FAM219A: variants seen among roughly 807,000 people sequenced by gnomAD.
FAM219A encodes the protein family with sequence similarity 219 member A, also known as protein FAM219A.
FAM219A carries 7 observed loss-of-function variants against 23.4 expected under a neutral mutation model. That is an observed-to-expected ratio of 0.30 (90% CI 0.17 to 0.56). The LOEUF (loss-of-function observed/expected upper bound fraction) is 0.56, where lower values mean the gene tolerates loss of function less well. Ranked by LOEUF, FAM219A falls within the 20% of genes least tolerant of loss-of-function variation. The pLI is 0.92. For synonymous variants in FAM219A, 93 were observed against 99.0 expected (o/e 0.94, Z 0.36); for missense variants, 166 against 246.9 (o/e 0.67, Z 2.20).
In FAM219A at chr9:34,457,478, G is replaced by A. The variant is rs2132030524; in HGVS notation, c.60+726C>T. 1 of 152,684 alleles carries A rather than the reference G, an allele frequency of 6.5e-6. No homozygotes were observed. Among genetic ancestry groups the A allele is most frequent in the East Asian group, 1.9e-4 (1 of 5,188 alleles). 9.5% of individuals were successfully genotyped at this position (152,684 alleles called of 1,614,324 possible). On this transcript the variant is annotated intron_variant, in intron 1 of 5. Transcript: ENST00000651358. This position sits in a 1 kb window ranked among gnomAD's most constrained non-coding sequence, Gnocchi z 5.1. The stretch of plus-strand genomic sequence containing the variant: ...GACTTCAGGCACGTAGGCCTAAGAT[G>A]ATGGGGGCTCTTCCCAACCAGTGCG...
At chr9:34,406,663 C>T (rs1489755724) in intron 1 of FAM219A, among the ~76,000 whole-genome samples, 1 of 152,186 alleles carries the variant, frequency 6.6e-6, no homozygotes, top group Non-Finnish European at 1.5e-5. Flanking sequence ...GTGCAAAATA[C>T]TTGATTCTAC....
rs1282428238 is a variant in FAM219A at position 34,398,869 on chromosome 9, A to C, written c.*2095T>G. ...CCAGTATGGGCCTTGTGGGTCCTGC[A>C]GGTACCTTCTCTGTCCTTGCCTCCC... On this transcript the variant is annotated 3_prime_UTR_variant, in exon 6 of 6. Coordinates refer to ENST00000651358, the MANE Select transcript of FAM219A (RefSeq NM_001184940.2). 6.1e-6 allele frequency: 1 copy of C among 163,470 alleles called. No homozygotes were observed. The highest frequency in any genetic ancestry group is 2.4e-5 in the African/African-American group (1 of 41,734). 10.1% of individuals were successfully genotyped at this position (163,470 alleles called of 1,614,324 possible).
chr9:34,436,112 C>T (rs1822905717), intron 1 of FAM219A, among the ~76,000 whole-genome samples: 1 of 151,852 alleles, frequency 6.6e-6, no homozygotes, highest in Non-Finnish European at 1.5e-5. Context: ...GCCTAGATTG[C>T]TCTTTTCTCA....
chr9:34,448,994 G>GA (rs55976326), intron 1 of FAM219A, among the ~76,000 whole-genome samples: 2,357 of 142,300 alleles, frequency 0.017, 40 homozygotes, highest in African/African-American at 0.04. Flanking sequence ...AAAACTATCG[G>GA]AAAAAAAAAA....
Position 34,398,363 on chromosome 9 carries a change from TGA to T in FAM219A, c.*2599_*2600del, listed in dbSNP as rs772411887. ...AACCTGGCTGGGTGGCAGCCACAGC[TGA>T]GAGAGGAGGGAGTGTTAAGGCAGTA... On this transcript the variant is annotated 3_prime_UTR_variant, in exon 6 of 6. Coordinates refer to ENST00000651358, the MANE Select transcript of FAM219A (RefSeq NM_001184940.2). The T allele has an allele frequency of 1.2e-5, 19 of 1,550,538 alleles. No homozygotes were observed. The South Asian group carries it at 2.1e-4, about 17-fold the overall frequency.
At chr9:34,424,754 C>T (rs543598104) in intron 1 of FAM219A, among the ~76,000 whole-genome samples, 1 of 152,318 alleles carries the variant, frequency 6.6e-6, no homozygotes, top group East Asian at 1.9e-4. Context: ...CAGTGAACAT[C>T]CAGAGGGAGG....
chr9:34,430,617 AC>A (rs1189065715), intron 1 of FAM219A, among the ~76,000 whole-genome samples: 1 of 139,748 alleles, frequency 7.2e-6, no homozygotes, highest in Non-Finnish European at 1.5e-5. Flanking sequence ...AGCCTGGGTG[AC>A]AGAGCAAGAC....
chr9:34,403,822 C>G (rs1385428182), intron 2 of FAM219A, among the ~76,000 whole-genome samples: 1 of 152,232 alleles, frequency 6.6e-6, no homozygotes, highest in East Asian at 1.9e-4. Flanking sequence ...ACCTTTACAG[C>G]TACTGTGACT....
At chr9:34,427,158 C>T (rs1004506487) in intron 1 of FAM219A, among the ~76,000 whole-genome samples, 2 of 152,090 alleles carry the variant, frequency 1.3e-5, no homozygotes, top group African/African-American at 4.8e-5. Flanking sequence ...TCCTTCAGGC[C>T]TCAGCTGACA....
At chr9:34,434,070 C>T (rs1236943253) in intron 1 of FAM219A, among the ~76,000 whole-genome samples, 2 of 152,040 alleles carry the variant, frequency 1.3e-5, no homozygotes, top group African/African-American at 2.4e-5. Context: ...GGTGTGGTGG[C>T]GGGCGTCTGT....
chr9:34,443,053 A>G (rs1453034228), intron 1 of FAM219A, among the ~76,000 whole-genome samples: 1 of 152,196 alleles, frequency 6.6e-6, no homozygotes, highest in Non-Finnish European at 1.5e-5. Context: ...TTGTGTTGAT[A>G]GCTGTTGAAG....
rs534123242 is a variant in FAM219A at position 34,411,389 on chromosome 9, T to TTAAAAA, written c.61-5431_61-5426dup. Reference sequence around the variant, plus strand: ...ATATTGACATATTGAGACCCTGTCTTTAAAAATAAAAAAAAAAGGGCTGGG... The same window carrying TTAAAAA: ...ATATTGACATATTGAGACCCTGTCTTTAAAAATAAAAATAAAAAAAAAAGGGCTGGG... On this transcript the variant is annotated intron_variant, in intron 1 of 5. Coordinates refer to ENST00000651358, the MANE Select transcript of FAM219A (RefSeq NM_001184940.2). Among the ~76,000 whole-genome samples the TTAAAAA allele has an allele frequency of 1.8e-3, 273 of 151,520 alleles. 1 individual carries two copies. Among genetic ancestry groups the TTAAAAA allele is most frequent in the African/African-American group, 6.4e-3 (264 of 41,246 alleles).
At chr9:34,454,222 G>A (rs1359717920) in intron 1 of FAM219A, among the ~76,000 whole-genome samples, 2 of 152,216 alleles carry the variant, frequency 1.3e-5, no homozygotes, top group Non-Finnish European at 2.9e-5. Flanking sequence ...CAGATCATGA[G>A]GTCGAGAGAT....
At chr9:34,424,066 G>A (rs964847358) in intron 1 of FAM219A, among the ~76,000 whole-genome samples, 9 of 152,198 alleles carry the variant, frequency 5.9e-5, no homozygotes, top group Non-Finnish European at 1.0e-4. Flanking sequence ...GACAGCTACG[G>A]TCAGAGGGGT....
intron 1 of FAM219A, among the ~76,000 whole-genome samples, chr9:34,421,009 T>TGTGAGAGAGAGAGAGA (rs1554677406): frequency 6.1e-4 from 53 of 86,426 alleles, no homozygotes; most frequent in Non-Finnish European, 7.1e-4. Flanking sequence ...TGTGTGTGTG[T>TGTGAGAGAGAGAGAGA]GAGAGAGAGA....
At chr9:34,408,178 G>C (rs976418186) in intron 1 of FAM219A, among the ~76,000 whole-genome samples, 35 of 152,244 alleles carry the variant, frequency 2.3e-4, no homozygotes, top group African/African-American at 8.2e-4. Context: ...GTGCCGCAGT[G>C]CCTGCATCTT....
chr9:34,439,678 T>G (rs1461762612), intron 1 of FAM219A, among the ~76,000 whole-genome samples: 8 of 152,002 alleles, frequency 5.3e-5, no homozygotes, highest in Non-Finnish European at 1.2e-4. Flanking sequence ...AAGAACATTA[T>G]GCGCAAAGGC....
chr9:34,446,415 G>A (rs1035855227), intron 1 of FAM219A, among the ~76,000 whole-genome samples: 5 of 152,206 alleles, frequency 3.3e-5, no homozygotes, highest in Admixed American at 2.0e-4. Context: ...CTTGTGCTAA[G>A]TTCCACAGTG....
At position 34,454,968 on chromosome 9, in the gene FAM219A, C is replaced by T. The variant is rs76649649; in HGVS notation, c.60+3236G>A. 5.0e-3 allele frequency among the ~76,000 whole-genome samples: 764 copies of T among 152,244 alleles called. 10 individuals carry two copies. Among genetic ancestry groups the T allele is most frequent in the African/African-American group, 0.017 (721 of 41,526 alleles). ...AAAGGGGCAATGATGATGACACCAGCGTTGCCTGGCTCCCTTGAGGCTTAA... is the reference window on the plus strand; with the variant it reads ...AAAGGGGCAATGATGATGACACCAGTGTTGCCTGGCTCCCTTGAGGCTTAA... On this transcript the variant is annotated intron_variant, in intron 1 of 5. Coordinates refer to ENST00000651358, the MANE Select transcript of FAM219A (RefSeq NM_001184940.2).
Sources: gnomAD v4.1 joint callset for allele counts (sites outside exome capture counted in the v4.1 genomes callset) on GRCh38, gnomAD v4.1.1 for gene constraint, Gnocchi (gnomAD v3.1) non-coding constraint, MANE v1.5 for transcripts, NCBI Gene and HGNC (gene_info 2026-07-23, HGNC 2026-07-21) for gene names.